RAB15: variants seen among roughly 807,000 people sequenced by gnomAD.
RAB15 encodes the protein ras-related protein Rab-15.
RAB15 carries 13 observed loss-of-function variants against 31.8 expected under a neutral mutation model. The observed-to-expected ratio is 0.41, with a 90% CI of 0.27 to 0.65. RAB15 has a LOEUF of 0.65. RAB15 is among the 30% of genes least tolerant of loss of function. The pLI is 0.32. For missense variants in RAB15, 220 were observed against 277.3 expected (o/e 0.79, Z 1.47); for synonymous variants, 100 against 105.6 (o/e 0.95, Z 0.33).
intron 1 of RAB15, among the ~76,000 whole-genome samples, chr14:64,957,598 C>A (rs1343049908): frequency 6.6e-6 from 1 of 152,144 alleles, no homozygotes; most frequent in East Asian, 1.9e-4. Flanking sequence ...TACAGCATAC[C>A]CCTGAGCTAT....
Position 64,970,133 on chromosome 14 carries a change from C to G in RAB15, c.124+1820G>C, listed in dbSNP as rs1054774490. ...AGAGCAGGTGCAAACAACAGCTCTT[C>G]AGGCCAAAGCCAGGGCCTCCCAGGC... On this transcript the variant is annotated intron_variant, in intron 1 of 6. Transcript: ENST00000533601. This position sits in a 1 kb window ranked among gnomAD's most constrained non-coding sequence, Gnocchi z 4.1. Among the ~76,000 whole-genome samples, 5 of 152,190 alleles carry G rather than the reference C, an allele frequency of 3.3e-5. No homozygotes were observed. Among genetic ancestry groups the G allele is most frequent in the Non-Finnish European group, 5.9e-5 (4 of 68,040 alleles).
Position 64,950,464 on chromosome 14 carries a change from C to T in RAB15, c.325-50G>A. On this transcript the variant is annotated intron_variant, in intron 4 of 6. Transcript: ENST00000533601. This position sits in a 1 kb window ranked among gnomAD's most constrained non-coding sequence, Gnocchi z 5.6. ...AGCCAGTGAGTGCTGCCTGCCCCCCCAATTTTCCCTACAGAGTCTGCACTG... is the reference window on the plus strand; with the variant it reads ...AGCCAGTGAGTGCTGCCTGCCCCCCTAATTTTCCCTACAGAGTCTGCACTG... 2.0e-6 allele frequency: 3 copies of T among 1,470,324 alleles called. No homozygotes were observed. The highest frequency in any genetic ancestry group is 1.4e-5 in the African/African-American group (1 of 72,042). The allele number at this position is 1,470,324 out of a possible 1,614,324, so 91.1% of individuals were successfully genotyped here.
intron 1 of RAB15, among the ~76,000 whole-genome samples, chr14:64,957,528 T>C (rs1326308847): frequency 6.6e-6 from 1 of 152,154 alleles, no homozygotes; most frequent in South Asian, 2.1e-4. Context: ...CGCCCAGCCC[T>C]ACTCACTCTT....
chr14:64,966,564 A>G (rs1887154686), intron 1 of RAB15, among the ~76,000 whole-genome samples: 2 of 152,020 alleles, frequency 1.3e-5, no homozygotes, highest in South Asian at 2.1e-4. Context: ...AATAATAATG[A>G]TAATATGATA....
rs1254765230 is a variant in RAB15, at chr14:64,955,294, C to A, written c.125-2723G>T. On this transcript the variant is annotated intron_variant, in intron 1 of 6. Transcript: ENST00000533601. This position sits in a 1 kb window ranked among gnomAD's most constrained non-coding sequence, Gnocchi z 4.4. ...AAAAGGTTAACAGCCCAAGGATCTT[C>A]AAGAGGAATCTATTGCTTCTGCGCT... 2.6e-5 allele frequency among the ~76,000 whole-genome samples: 4 copies of A among 152,156 alleles called. No homozygotes were observed. Among genetic ancestry groups the A allele is most frequent in the African/African-American group, 4.8e-5 (2 of 41,422 alleles).
chr14:64,967,411 A>AC (rs1490391614), intron 1 of RAB15, among the ~76,000 whole-genome samples: 1 of 152,040 alleles, frequency 6.6e-6, no homozygotes, highest in Non-Finnish European at 1.5e-5. Context: ...ACATAGTGAA[A>AC]CCCCATCTCT....
At chr14:64,959,268 T>A (rs1334961056) in intron 1 of RAB15, among the ~76,000 whole-genome samples, 2 of 152,134 alleles carry the variant, frequency 1.3e-5, no homozygotes, top group East Asian at 3.9e-4. Context: ...CATGCCCCTT[T>A]TCTTAGTGAC....
chr14:64,971,883 G>A lies in RAB15; in HGVS notation c.124+70C>T, dbSNP rs2140010065. The A allele has an allele frequency of 6.9e-7, 1 of 1,445,000 alleles. No homozygotes were observed. The highest frequency in any genetic ancestry group is 1.2e-5 in the South Asian group (1 of 80,854). 89.5% of individuals were successfully genotyped at this position (1,445,000 alleles called of 1,614,324 possible). ...AGGGGCTGGCAATTCCTCCCCAGCT[G>A]GGGACGGGGGCGGCGGGGAAAGGGG... On this transcript the variant is annotated intron_variant, in intron 1 of 6. Coordinates refer to ENST00000533601, the MANE Select transcript of RAB15 (RefSeq NM_001308154.2). The surrounding 1 kb of genome is among the most constrained non-coding windows in gnomAD (Gnocchi z 4.1).
In RAB15 at chr14:64,972,105, G is replaced by C; in HGVS notation, c.-29C>G. 6.4e-7 allele frequency: 1 copy of C among 1,567,616 alleles called. No individual in the cohort carries two copies. The highest frequency in any genetic ancestry group is 8.6e-7 in the Non-Finnish European group (1 of 1,160,742). On this transcript the variant is annotated 5_prime_UTR_variant, in exon 1 of 7. Transcript: ENST00000533601. This position sits in a 1 kb window ranked among gnomAD's most constrained non-coding sequence, Gnocchi z 6.3. ...TGGGGCCAGCGGGGCCGGGAACTGC[G>C]GGCGGGCAGCGGGCTCAGCCCTGCT...
In RAB15 at chr14:64,971,988, T is replaced by A. The variant is rs1467567256; in HGVS notation, c.89A>T (p.Asp30Val). ...GATGTGCGAGGAGTGGAACTCGTTG[T>A]CGGTGAAGCGGCACAGCAGGCAGGT... ...GKTCLLCRFT[D>V]NEFHSSHIST... The change falls in exon 1 of 7, where the codon GAC becomes GTC. Residue 30 changes from aspartate (D) to valine (V), a missense_variant. Transcript: ENST00000533601. The surrounding 1 kb of genome is among the most constrained non-coding windows in gnomAD (Gnocchi z 4.1). 1 of 1,602,536 alleles carries A rather than the reference T, an allele frequency of 6.2e-7. No homozygotes were observed. The highest frequency in any genetic ancestry group is 1.7e-5 in the Admixed American group (1 of 58,746).
intron 1 of RAB15, among the ~76,000 whole-genome samples, chr14:64,961,678 TGTGAGGATCACTTGAACCCAAGGA>T (rs1328893005): frequency 1.3e-5 from 2 of 151,292 alleles, no homozygotes; most frequent in East Asian, 3.9e-4. Context: ...GAAGCCAAGG[TGTGAGGATCACTTGAACCCAAGGA>T]GTTCAAGATC....
In RAB15 at chr14:64,951,484, C is replaced by A. The variant is rs1004763857; in HGVS notation, c.246+119G>T. The A allele has an allele frequency of 1.1e-5, 10 of 923,642 alleles. No homozygotes were observed. The Admixed American group carries it at 1.5e-4, about 14-fold the overall frequency. The allele number at this position is 923,642 out of a possible 1,614,324, so 57.2% of individuals were successfully genotyped here. A position where few individuals can be genotyped will look rare whatever the true frequency, so the allele number is the denominator to read the frequency against. On this transcript the variant is annotated intron_variant, in intron 3 of 6. Transcript: ENST00000533601. The surrounding 1 kb of genome is among the most constrained non-coding windows in gnomAD (Gnocchi z 7.2). ...CAGTGAACAGCTGAAAGACGCCCTG[C>A]GCTCCTCCAAGCAGGCGAACTGTAT...
intron 1 of RAB15, among the ~76,000 whole-genome samples, chr14:64,960,126 G>T (rs1886776980): frequency 6.6e-6 from 1 of 152,222 alleles, no homozygotes. Context: ...GGAGCCCGAG[G>T]GTGCTGGGAC....
rs909332576 is a variant in RAB15, at chr14:64,971,876, C to T, written c.124+77G>A. On this transcript the variant is annotated intron_variant, in intron 1 of 6. Coordinates refer to ENST00000533601, the MANE Select transcript of RAB15 (RefSeq NM_001308154.2). This position sits in a 1 kb window ranked among gnomAD's most constrained non-coding sequence, Gnocchi z 4.1. ...CAGCCGGAGGGGCTGGCAATTCCTC[C>T]CCAGCTGGGGACGGGGGCGGCGGGG... 15 of 1,411,524 alleles carry T rather than the reference C, an allele frequency of 1.1e-5. No homozygotes were observed. The highest frequency in any genetic ancestry group is 2.0e-5 in the Admixed American group (1 of 48,906). The allele number at this position is 1,411,524 out of a possible 1,614,324, so 87.4% of individuals were successfully genotyped here. A position where few individuals can be genotyped will look rare whatever the true frequency, so the allele number is the denominator to read the frequency against.
intron 1 of RAB15, among the ~76,000 whole-genome samples, chr14:64,969,269 CTA>C (rs1887302679): frequency 6.6e-6 from 1 of 152,202 alleles, no homozygotes; most frequent in Admixed American, 6.5e-5. Flanking sequence ...AAGCGAATGA[CTA>C]TGACTTGGTA....
chr14:64,963,647 C>T (rs1254599968), intron 1 of RAB15, among the ~76,000 whole-genome samples: 1 of 152,198 alleles, frequency 6.6e-6, no homozygotes, highest in Non-Finnish European at 1.5e-5. Flanking sequence ...AGGGGGCTTC[C>T]AGATGCACCT....
In RAB15 at chr14:64,953,975, G is replaced by A; in HGVS notation, c.125-1404C>T. On this transcript the variant is annotated intron_variant, in intron 1 of 6. Coordinates refer to ENST00000533601, the MANE Select transcript of RAB15 (RefSeq NM_001308154.2). The surrounding 1 kb of genome is among the most constrained non-coding windows in gnomAD (Gnocchi z 4.6). ...CGCATCAGTTATTTGCCAAATGGGA[G>A]ACATCTTCCCTTATCTGTGCTGTCC... 1.0e-6 allele frequency: 1 copy of A among 985,396 alleles called. No homozygotes were observed. 61.0% of individuals were successfully genotyped at this position (985,396 alleles called of 1,614,324 possible).
intron 1 of RAB15, among the ~76,000 whole-genome samples, chr14:64,967,691 G>A (rs1380258403): frequency 6.6e-6 from 1 of 152,084 alleles, no homozygotes; most frequent in Non-Finnish European, 1.5e-5. Context: ...CATGCAGAAA[G>A]GTCCTCAAAG....
At chr14:64,967,190 C>T (rs565196489) in intron 1 of RAB15, among the ~76,000 whole-genome samples, 1 of 152,328 alleles carries the variant, frequency 6.6e-6, no homozygotes, top group South Asian at 2.1e-4. Context: ...AGATCACCCT[C>T]CTCCTCACCC....
Sources: allele counts gnomAD v4.1 joint callset (sites outside exome capture counted in the v4.1 genomes callset), GRCh38; gene constraint gnomAD v4.1.1; non-coding constraint Gnocchi (gnomAD v3.1); transcripts MANE v1.5; gene names NCBI Gene and HGNC (gene_info 2026-07-23, HGNC 2026-07-21).